NTSR1: variants seen among roughly 807,000 people sequenced by gnomAD.
The protein encoded by NTSR1 is neurotensin receptor 1.
NTSR1 carries 29 observed loss-of-function variants against 31.2 expected under a neutral mutation model. The ratio of observed to expected loss-of-function variants is 0.93; its 90% CI spans 0.69 to 1.27. NTSR1 has a LOEUF of 1.27. Ranked by LOEUF, NTSR1 falls within the 50% of genes most tolerant of loss-of-function variation. The pLI is 0.00. For synonymous variants in NTSR1, 282 were observed against 269.9 expected (o/e 1.04, Z -0.44); for missense variants, 697 against 595.4 (o/e 1.17, Z -1.78).
At chr20:62,759,756 CAG>C (rs1285548142) in intron 3 of NTSR1, among the ~76,000 whole-genome samples, 3 of 129,714 alleles carry the variant, frequency 2.3e-5, no homozygotes, top group East Asian at 4.6e-4. Flanking sequence ...GCCTGGGAGA[CAG>C]AGCGAGACTC....
In NTSR1 at chr20:62,745,171, TAC is replaced by T. The variant is rs907642255; in HGVS notation, c.715-9507_715-9506del. On this transcript the variant is annotated intron_variant, in intron 1 of 3. Transcript: ENST00000370501. This position sits in a 1 kb window ranked among gnomAD's most constrained non-coding sequence, Gnocchi z 4.1. ...AGTTCCTGCCACCTGAGGATGTTGG[TAC>T]ACACACCAGACTCAGAGGGAGACCC... is the stretch of plus-strand genomic sequence containing the variant. Among the ~76,000 whole-genome samples the T allele has an allele frequency of 3.2e-4, 49 of 151,854 alleles. No homozygotes were observed. Among genetic ancestry groups the T allele is most frequent in the Non-Finnish European group, 5.9e-4 (40 of 67,942 alleles).
At chr20:62,729,927 A>G (rs966782259) in intron 1 of NTSR1, among the ~76,000 whole-genome samples, 3 of 152,100 alleles carry the variant, frequency 2.0e-5, no homozygotes, top group African/African-American at 7.2e-5. Context: ...CTGGCCATCT[A>G]AATTGTTATT....
intron 1 of NTSR1, among the ~76,000 whole-genome samples, chr20:62,749,755 C>T (rs769611043): frequency 6.6e-6 from 1 of 152,180 alleles, no homozygotes; most frequent in Non-Finnish European, 1.5e-5. Flanking sequence ...TATCACTGTA[C>T]ACCTGTTAGG....
intron 1 of NTSR1, among the ~76,000 whole-genome samples, chr20:62,727,271 C>CT (rs546937712): frequency 1.1e-3 from 164 of 152,318 alleles, no homozygotes; most frequent in African/African-American, 3.6e-3. Context: ...TGCGCTCTCT[C>CT]CGGCTCACAG....
chr20:62,711,065 C>T lies in NTSR1; in HGVS notation c.714+1144C>T, dbSNP rs959374706. Among the ~76,000 whole-genome samples the T allele has an allele frequency of 2.6e-5, 4 of 152,160 alleles. No homozygotes were observed. The highest frequency in any genetic ancestry group is 9.7e-5 in the African/African-American group (4 of 41,440). On this transcript the variant is annotated intron_variant, in intron 1 of 3. Coordinates refer to ENST00000370501, the MANE Select transcript of NTSR1 (RefSeq NM_002531.3). The surrounding 1 kb of genome is among the most constrained non-coding windows in gnomAD (Gnocchi z 6.4). ...GTATGCCCGGTGGGGGTGAGGGCAG[C>T]AGTGCCGGGCAGGGGGTCACCTGTC...
In NTSR1 at chr20:62,760,611, A is replaced by C; in HGVS notation, c.*344A>C. On this transcript the variant is annotated 3_prime_UTR_variant, in exon 4 of 4. Coordinates refer to ENST00000370501, the MANE Select transcript of NTSR1 (RefSeq NM_002531.3). ...TTCTCAGACTAATGGATGGTTCCAG[A>C]GAAGGAAATGAAAGGTGCTGGGTGG... The C allele has an allele frequency of 1.3e-5, 3 of 232,702 alleles. No individual in the cohort carries two copies. Among genetic ancestry groups the C allele is most frequent in the East Asian group, 8.8e-5 (1 of 11,392 alleles). The allele number at this position is 232,702 out of a possible 1,614,324, so 14.4% of individuals were successfully genotyped here. A position where few individuals can be genotyped will look rare whatever the true frequency, so the allele number is the denominator to read the frequency against.
Position 62,711,957 on chromosome 20 carries a change from C to T in NTSR1, c.714+2036C>T, listed in dbSNP as rs916820126. 2.4e-4 allele frequency among the ~76,000 whole-genome samples: 37 copies of T among 152,340 alleles called. No homozygotes were observed. The highest frequency in any genetic ancestry group is 8.2e-4 in the African/African-American group (34 of 41,590). ...CACGCCCTGCAGACGCCATGCTGGC[C>T]GAGCGTTGCTGAAGGCACCCTTGGA... On this transcript the variant is annotated intron_variant, in intron 1 of 3. Transcript: ENST00000370501. The surrounding 1 kb of genome is among the most constrained non-coding windows in gnomAD (Gnocchi z 6.4).
At position 62,709,397 on chromosome 20, in the gene NTSR1, G is replaced by A. The variant is rs1347968009; in HGVS notation, c.190G>A (p.Val64Met). Residue 64 changes from valine (V) to methionine (M), a missense_variant, in exon 1 of 4, where the codon GTG becomes ATG. Physicochemically the swap from Val to Met is conservative, Grantham distance 21. Transcript: ENST00000370501. Reference sequence around the variant, plus strand: ...CGTGAACACCGACATCTACTCCAAGGTGCTGGTGACCGCCGTGTACCTGGC... The same window carrying A: ...CGTGAACACCGACATCTACTCCAAGATGCTGGTGACCGCCGTGTACCTGGC... ...LDVNTDIYSK[V>M]LVTAVYLALF... 1.2e-6 allele frequency: 2 copies of A among 1,609,454 alleles called. No homozygotes were observed. Among genetic ancestry groups the A allele is most frequent in the East Asian group, 4.5e-5 (2 of 44,766 alleles).
At chr20:62,710,052 G>T in intron 1 of NTSR1, 131 bp downstream of exon 1, 1 of 805,784 alleles carries the variant, frequency 1.2e-6, no homozygotes, top group Non-Finnish European at 1.9e-6. Context: ...CTGGGAAGGC[G>T]GTTGGGGCAG....
intron 1 of NTSR1, among the ~76,000 whole-genome samples, chr20:62,728,524 T>C (rs1025680910): frequency 2.0e-5 from 3 of 152,180 alleles, no homozygotes; most frequent in African/African-American, 7.2e-5. Context: ...GAAGTTCATT[T>C]CTTAACATCC....
chr20:62,738,642 C>T (rs1418832604), intron 1 of NTSR1, among the ~76,000 whole-genome samples: 2 of 152,252 alleles, frequency 1.3e-5, no homozygotes, highest in African/African-American at 4.8e-5. Context: ...AGGCCTCAGC[C>T]GTGCCTGTGT....
chr20:62,744,587 A>G lies in NTSR1; in HGVS notation c.715-10098A>G, dbSNP rs1989264410. Reference sequence around the variant, plus strand: ...AAAAAAAATACAAAATTAGCCAGGCATGGTGGCACATGCCTGTAATCCCAG... The same window carrying G: ...AAAAAAAATACAAAATTAGCCAGGCGTGGTGGCACATGCCTGTAATCCCAG... On this transcript the variant is annotated intron_variant, in intron 1 of 3. Transcript: ENST00000370501. The surrounding 1 kb of genome is among the most constrained non-coding windows in gnomAD (Gnocchi z 4.1). 2.0e-5 allele frequency among the ~76,000 whole-genome samples: 3 copies of G among 151,308 alleles called. No homozygotes were observed. The highest frequency in any genetic ancestry group is 4.2e-4 in the South Asian group (2 of 4,778).
At chr20:62,722,265 G>A (rs1431092402) in intron 1 of NTSR1, among the ~76,000 whole-genome samples, 2 of 152,188 alleles carry the variant, frequency 1.3e-5, no homozygotes, top group African/African-American at 4.8e-5. Context: ...TCACTTGGAA[G>A]AACTCAGTGG....
intron 1 of NTSR1, among the ~76,000 whole-genome samples, chr20:62,751,744 G>A (rs1989397241): frequency 6.6e-6 from 1 of 152,256 alleles, no homozygotes; most frequent in African/African-American, 2.4e-5. Context: ...CCACATGCCA[G>A]TGGGATGGAG....
rs1306872987 is a variant in NTSR1 at position 62,758,580 on chromosome 20, A to T, written c.1007+224A>T. ...TCAGGCCAGACTGGTGCAGAGAAAGAAAGTTGGTCCTAAGAGAGATGGCCC... is the reference window on the plus strand; with the variant it reads ...TCAGGCCAGACTGGTGCAGAGAAAGTAAGTTGGTCCTAAGAGAGATGGCCC... On this transcript the variant is annotated intron_variant, in intron 3 of 3. Coordinates refer to ENST00000370501, the MANE Select transcript of NTSR1 (RefSeq NM_002531.3). This position sits in a 1 kb window ranked among gnomAD's most constrained non-coding sequence, Gnocchi z 4.5. Among the ~76,000 whole-genome samples, 1 of 152,122 alleles carries T rather than the reference A, an allele frequency of 6.6e-6. No individual in the cohort carries two copies. The highest frequency in any genetic ancestry group is 1.9e-4 in the East Asian group (1 of 5,182).
chr20:62,734,156 C>G (rs1214211764), intron 1 of NTSR1, among the ~76,000 whole-genome samples: 6 of 152,122 alleles, frequency 3.9e-5, no homozygotes, highest in Non-Finnish European at 2.9e-5. Flanking sequence ...TTCTCTGGCT[C>G]AGCCACGTGG....
chr20:62,713,223 CCTT>C (rs1330603774), intron 1 of NTSR1, among the ~76,000 whole-genome samples: 2 of 152,342 alleles, frequency 1.3e-5, no homozygotes, highest in South Asian at 2.1e-4. Context: ...CCTGCCTCCT[CCTT>C]GTTTTTTCTG....
At chr20:62,755,159 TTCC>T (rs1332759495) in intron 2 of NTSR1, among the ~76,000 whole-genome samples, 1 of 110,384 alleles carries the variant, frequency 9.1e-6, no homozygotes, top group African/African-American at 3.8e-5. Context: ...CATCCATCCC[TTCC>T]TCCTTCTATC....
rs182863388 is a variant in NTSR1 at position 62,733,787 on chromosome 20, G to A, written c.715-20898G>A. On this transcript the variant is annotated intron_variant, in intron 1 of 3. Transcript: ENST00000370501. This position sits in a 1 kb window ranked among gnomAD's most constrained non-coding sequence, Gnocchi z 5.2. ...GAACAGAGGAGAGAGAGGGGAGGAG[G>A]GGGAGGGAGACAGCACCCTCTTCTC... Among the ~76,000 whole-genome samples the A allele has an allele frequency of 1.1e-4, 17 of 151,742 alleles. No individual in the cohort carries two copies. The East Asian group carries it at 2.3e-3, about 21-fold the overall frequency.
Sources: allele counts gnomAD v4.1 joint callset (sites outside exome capture counted in the v4.1 genomes callset), GRCh38; gene constraint gnomAD v4.1.1; non-coding constraint Gnocchi (gnomAD v3.1); transcripts MANE v1.5; gene names NCBI Gene and HGNC (gene_info 2026-07-23, HGNC 2026-07-21).